The following IQCM variants were observed in gnomAD, a reference collection of about 807,000 sequenced individuals.
The protein encoded by IQCM is IQ domain-containing protein M.
Under a neutral mutation model 57.6 loss-of-function variants are expected in IQCM, and 45 were observed. The observed-to-expected ratio is 0.78, with a 90% confidence interval of 0.62 to 1.00. The LOEUF is 1.00. Among genes scored for constraint, IQCM ranks in the 50% least tolerant of loss-of-function variants. The probability of loss-of-function intolerance (pLI) is 0.00; values close to 1 mark genes in which losing one functional copy is unlikely to be tolerated. For synonymous variants in IQCM, 148 were observed against 158.9 expected (o/e 0.93, Z 0.51); for missense variants, 468 against 511.6 (o/e 0.91, Z 0.82).
chr4:149,815,420 A>G (rs574303659), intron 1 of IQCM, 72 bp from the exon 2 acceptor site: 2 of 152,104 alleles, frequency 1.3e-5, no homozygotes, highest in South Asian at 2.1e-4. Flanking sequence ...TCAACCATAT[A>G]TCTTATCATC....
intron 13 of IQCM, among the ~76,000 whole-genome samples, chr4:149,406,403 C>T (rs930873142): frequency 9.9e-5 from 15 of 151,908 alleles, no homozygotes; most frequent in Non-Finnish European, 2.1e-4. Flanking sequence ...TAGAATAAAC[C>T]AGTAAGGAAG....
intron 7 of IQCM, among the ~76,000 whole-genome samples, chr4:149,670,993 G>C (rs1761221543): frequency 6.7e-6 from 1 of 150,110 alleles, no homozygotes; most frequent in African/African-American, 2.4e-5. Context: ...GGATGATGCT[G>C]GCCTCATAAA....
intron 5 of IQCM, among the ~76,000 whole-genome samples, chr4:149,708,746 C>G (rs1313581955): frequency 6.6e-6 from 1 of 152,032 alleles, no homozygotes; most frequent in African/African-American, 2.4e-5. Context: ...TCTCACCTTG[C>G]ATTAGGAGTC....
At chr4:149,459,668 C>T (rs1013916380) in intron 12 of IQCM, among the ~76,000 whole-genome samples, 6 of 152,134 alleles carry the variant, frequency 3.9e-5, no homozygotes, top group African/African-American at 2.4e-5. Context: ...TGATTTTGAC[C>T]GTTCTAAGTT....
chr4:149,503,572 G>T (rs1399432264), intron 12 of IQCM, among the ~76,000 whole-genome samples: 1 of 152,040 alleles, frequency 6.6e-6, no homozygotes, highest in Non-Finnish European at 1.5e-5. Context: ...AAATGCTAAA[G>T]ACTTACATTA....
At chr4:149,509,320 C>G (rs1317435740) in intron 12 of IQCM, among the ~76,000 whole-genome samples, 3 of 151,828 alleles carry the variant, frequency 2.0e-5, no homozygotes, top group Non-Finnish European at 4.4e-5. Context: ...CTCTGTTGCC[C>G]AGGCTGGGGT....
At chr4:149,749,017 A>G (rs1768192631) in intron 2 of IQCM, among the ~76,000 whole-genome samples, 1 of 152,220 alleles carries the variant, frequency 6.6e-6, no homozygotes, top group East Asian at 1.9e-4. Flanking sequence ...AAACACAAAT[A>G]AAACCACGAC....
rs1007341251 is a variant in IQCM at position 149,621,845 on chromosome 4, T to C, written c.566-601A>G. On this transcript the variant is annotated intron_variant, in intron 7 of 13. Transcript: ENST00000636793. ...AGGAAAGAGATTTAAGATTTATTTGTCCATTTTTTTCCTCAGAGATATTAA... is the reference window on the plus strand; with the variant it reads ...AGGAAAGAGATTTAAGATTTATTTGCCCATTTTTTTCCTCAGAGATATTAA... Among the ~76,000 whole-genome samples, 5 of 152,276 alleles carry C rather than the reference T, an allele frequency of 3.3e-5. No individual in the cohort carries two copies. The South Asian group carries it at 8.3e-4, about 25-fold the overall frequency.
At chr4:149,660,775 C>T (rs1427923265) in intron 7 of IQCM, among the ~76,000 whole-genome samples, 5 of 150,760 alleles carry the variant, frequency 3.3e-5, no homozygotes, top group Admixed American at 2.7e-4. Flanking sequence ...AGGTGGGAAC[C>T]GAACAATGAG....
rs533154379 is a variant in IQCM at position 149,388,998 on chromosome 4, C to CTTAT, written c.1391-36936_1391-36933dup. On this transcript the variant is annotated intron_variant, in intron 13 of 13. Coordinates refer to ENST00000636793, the MANE Select transcript of IQCM (RefSeq NM_001363507.2). ...AGTTTTAAATTTTAGTGAAGTACAA[C>CTTAT]TTATTTATTTATTTATTTATTTATT... 3.5e-3 allele frequency among the ~76,000 whole-genome samples: 524 copies of CTTAT among 151,136 alleles called. 4 individuals carry two copies. Among genetic ancestry groups the CTTAT allele is most frequent in the Middle Eastern group, 0.014 (4 of 292 alleles).
At chr4:149,732,669 T>C (rs1766568846) in intron 5 of IQCM, among the ~76,000 whole-genome samples, 2 of 152,092 alleles carry the variant, frequency 1.3e-5, no homozygotes, top group African/African-American at 4.8e-5. Flanking sequence ...AAAAATAAGA[T>C]GAGGCTGTGA....
intron 13 of IQCM, among the ~76,000 whole-genome samples, chr4:149,390,911 T>C (rs1468885175): frequency 5.9e-5 from 9 of 151,854 alleles, no homozygotes; most frequent in African/African-American, 2.2e-4. Context: ...TGTCTGGTGT[T>C]GGTAATACTG....
intron 12 of IQCM, among the ~76,000 whole-genome samples, chr4:149,458,886 T>C (rs1737980545): frequency 6.6e-6 from 1 of 152,178 alleles, no homozygotes; most frequent in Admixed American, 6.6e-5. Flanking sequence ...TTACCACAGA[T>C]TAAATAGTTT....
chr4:149,407,049 G>A (rs1733028641), intron 13 of IQCM, among the ~76,000 whole-genome samples: 1 of 151,952 alleles, frequency 6.6e-6, no homozygotes, highest in African/African-American at 2.4e-5. Flanking sequence ...TGGCAGGCAA[G>A]ATAGAATGAG....
chr4:149,438,181 G>A (rs1735551501), intron 12 of IQCM, among the ~76,000 whole-genome samples: 2 of 151,688 alleles, frequency 1.3e-5, no homozygotes, highest in Non-Finnish European at 2.9e-5. Context: ...ACCCTGTACT[G>A]GTACTATTAA....
At chr4:149,408,275 G>A (rs1443290039) in intron 13 of IQCM, among the ~76,000 whole-genome samples, 1 of 152,130 alleles carries the variant, frequency 6.6e-6, no homozygotes, top group Non-Finnish European at 1.5e-5. Context: ...AACTATGAAT[G>A]TATGAAATAG....
chr4:149,359,149 C>T (rs1192473509), intron 13 of IQCM, among the ~76,000 whole-genome samples: 1 of 152,068 alleles, frequency 6.6e-6, no homozygotes, highest in Non-Finnish European at 1.5e-5. Flanking sequence ...TCTCAAATAA[C>T]TTTAATGCTC....
intron 5 of IQCM, among the ~76,000 whole-genome samples, chr4:149,695,369 C>T (rs1322333855): frequency 6.6e-6 from 1 of 152,070 alleles, no homozygotes; most frequent in Non-Finnish European, 1.5e-5. Context: ...AAATACAGCG[C>T]TATGAAACTT....
chr4:149,804,713 GA>G (rs1211331475), intron 2 of IQCM, among the ~76,000 whole-genome samples: 1 of 152,056 alleles, frequency 6.6e-6, no homozygotes, highest in Admixed American at 6.6e-5. Context: ...GGGCTTGGTA[GA>G]CCTCCACTTT....
Sources: gnomAD v4.1 joint callset for allele counts (sites outside exome capture counted in the v4.1 genomes callset) on GRCh38, gnomAD v4.1.1 for gene constraint, MANE v1.5 for transcripts, NCBI Gene and HGNC (gene_info 2026-07-23, HGNC 2026-07-21) for gene names.